The following PTPRG variants were observed in gnomAD, a reference collection of about 807,000 sequenced individuals.
PTPRG encodes receptor-type tyrosine-protein phosphatase gamma.
In PTPRG, 102 loss-of-function variants were observed where a neutral mutation model predicts 165.3. The ratio of observed to expected loss-of-function variants is 0.62; its 90% CI spans 0.53 to 0.73. PTPRG has a LOEUF of 0.73. Ranked by LOEUF, PTPRG falls within the 30% of genes least tolerant of loss-of-function variation. The pLI is 0.00. For missense variants in PTPRG, 1,866 were observed against 1,861.4 expected, an observed-to-expected ratio of 1.00 and a Z score of -0.05; for synonymous variants, 675 against 669.5, an observed-to-expected ratio of 1.01 and a Z score of -0.13.
chr3:61,995,593 T>G (rs2041014237), intron 3 of PTPRG, among the ~76,000 whole-genome samples: 1 of 151,530 alleles, frequency 6.6e-6, no homozygotes, highest in African/African-American at 2.4e-5. Flanking sequence ...GGGGTGTGGG[T>G]GTGTGGGTAT....
At chr3:61,784,605 T>C (rs982172645) in intron 2 of PTPRG, among the ~76,000 whole-genome samples, 1 of 152,182 alleles carries the variant, frequency 6.6e-6, no homozygotes, top group African/African-American at 2.4e-5. Context: ...ATCATCTGCA[T>C]AGTTGTTCTT....
intron 4 of PTPRG, among the ~76,000 whole-genome samples, chr3:62,020,301 AAC>A (rs529126089): frequency 6.6e-6 from 1 of 152,354 alleles, no homozygotes; most frequent in South Asian, 2.1e-4. Context: ...TTTCACAATT[AAC>A]ACACTTTACT....
chr3:61,962,304 AT>A (rs2040170754), intron 2 of PTPRG, among the ~76,000 whole-genome samples: 2 of 152,170 alleles, frequency 1.3e-5, no homozygotes, highest in African/African-American at 4.8e-5. Flanking sequence ...AAGCATATCA[AT>A]TTTTCTTAAT....
intron 2 of PTPRG, among the ~76,000 whole-genome samples, chr3:61,894,847 T>A (rs1250422321): frequency 6.6e-6 from 1 of 152,216 alleles, no homozygotes; most frequent in East Asian, 1.9e-4. Flanking sequence ...TTTTATTTTT[T>A]TTTTTAATTG....
intron 2 of PTPRG, among the ~76,000 whole-genome samples, chr3:61,780,798 G>A (rs1039307707): frequency 1.3e-5 from 2 of 152,164 alleles, no homozygotes; most frequent in African/African-American, 4.8e-5. Flanking sequence ...AGGCACTCCT[G>A]CCAATGAGCT....
chr3:62,036,983 G>GCGCACACACA (rs145992725), intron 4 of PTPRG, among the ~76,000 whole-genome samples: 11,044 of 150,474 alleles, frequency 0.073, 424 homozygotes, highest in African/African-American at 0.091. Flanking sequence ...GCGCGCGCAC[G>GCGCACACACA]CACACACACA....
intron 2 of PTPRG, among the ~76,000 whole-genome samples, chr3:61,937,709 C>A (rs1045284795): frequency 2.0e-4 from 31 of 152,192 alleles, no homozygotes; most frequent in African/African-American, 7.5e-4. Context: ...AGAGTGATCA[C>A]AGTTTCAGAT....
intron 2 of PTPRG, among the ~76,000 whole-genome samples, chr3:61,807,546 G>C (rs917679733): frequency 6.6e-6 from 1 of 152,184 alleles, no homozygotes. Flanking sequence ...ATCAGTGCAA[G>C]TTCCAGTAGT....
chr3:61,763,847 G>C (rs911137752), intron 2 of PTPRG, among the ~76,000 whole-genome samples: 2 of 151,954 alleles, frequency 1.3e-5, no homozygotes, highest in African/African-American at 4.8e-5. Flanking sequence ...TAGCTTCCCT[G>C]TACTCTTCTA....
At chr3:62,059,852 C>T (rs148257406) in intron 4 of PTPRG, among the ~76,000 whole-genome samples, 166 of 152,216 alleles carry the variant, frequency 1.1e-3, no homozygotes, top group Non-Finnish European at 2.0e-3. Context: ...GGGGCTTTTC[C>T]GACTTTTGTT....
intron 1 of PTPRG, among the ~76,000 whole-genome samples, chr3:61,673,760 A>G (rs1422068910): frequency 1.3e-5 from 2 of 152,058 alleles, no homozygotes; most frequent in African/African-American, 4.8e-5. Flanking sequence ...TGACTATTGA[A>G]CTCTGAGCAA....
chr3:61,771,130 T>C (rs913830279), intron 2 of PTPRG: 1 of 152,206 alleles, frequency 6.6e-6, no homozygotes, highest in Non-Finnish European at 1.5e-5. Context: ...AGGTAGATTT[T>C]TGCCTTTTTT....
intron 1 of PTPRG, among the ~76,000 whole-genome samples, chr3:61,585,280 C>CAA (rs3039784): frequency 2.2e-4 from 18 of 81,286 alleles, no homozygotes; most frequent in South Asian, 5.5e-4. Context: ...GACCCTGTCT[C>CAA]AAAAAAAAAA....
At chr3:61,906,806 GGT>G (rs1480050002) in intron 2 of PTPRG, among the ~76,000 whole-genome samples, 9 of 151,774 alleles carry the variant, frequency 5.9e-5, no homozygotes, top group African/African-American at 2.2e-4. Flanking sequence ...TAGGTAGGTA[GGT>G]AGGTAGGTAG....
At chr3:61,992,679 C>T (rs545405557) in intron 3 of PTPRG, among the ~76,000 whole-genome samples, 7 of 152,250 alleles carry the variant, frequency 4.6e-5, no homozygotes, top group African/African-American at 1.4e-4. Flanking sequence ...GCGCCACCAC[C>T]CCTGGCTAAT....
In PTPRG at chr3:62,003,513, G is replaced by C. The variant is rs1445953788; in HGVS notation, c.519+16G>C. 6.2e-7 allele frequency: 1 copy of C among 1,613,014 alleles called. No individual in the cohort carries two copies. The highest frequency in any genetic ancestry group is 8.5e-7 in the Non-Finnish European group (1 of 1,179,574). On this transcript the variant is annotated intron_variant, in intron 4 of 29. Coordinates refer to ENST00000474889, the MANE Select transcript of PTPRG (RefSeq NM_002841.4). ...TCCTGTTGAGGTGAGAGAAAGTCAA[G>C]ATCTCAACGTGTAGCTGTGCTTCGG...
At chr3:62,114,035 G>A (rs1350314603) in intron 5 of PTPRG, among the ~76,000 whole-genome samples, 7 of 152,186 alleles carry the variant, frequency 4.6e-5, no homozygotes, top group South Asian at 4.1e-4. Context: ...GTGGTGGCTC[G>A]CACCCGTAAT....
intron 2 of PTPRG, among the ~76,000 whole-genome samples, chr3:61,949,204 C>CA (rs567274816): frequency 1.1e-4 from 16 of 152,056 alleles, no homozygotes; most frequent in Admixed American, 6.5e-4. Flanking sequence ...ACCAACCAAA[C>CA]AAAAAAACCA....
chr3:62,015,176 C>T (rs2041511805), intron 4 of PTPRG, among the ~76,000 whole-genome samples: 1 of 152,168 alleles, frequency 6.6e-6, no homozygotes, highest in Admixed American at 6.5e-5. Context: ...TCATTTGGTT[C>T]ATTAACAGAG....
Sources: allele counts gnomAD v4.1 joint callset (sites outside exome capture counted in the v4.1 genomes callset), GRCh38; gene constraint gnomAD v4.1.1; transcripts MANE v1.5; gene names NCBI Gene and HGNC (gene_info 2026-07-23, HGNC 2026-07-21).